HPSE2: variants seen among roughly 807,000 people sequenced by gnomAD.
HPSE2 encodes the protein inactive heparanase-2.
HPSE2 carries 38 observed loss-of-function variants against 60.5 expected under a neutral mutation model. The ratio of observed to expected loss-of-function variants is 0.63; its 90% confidence interval spans 0.48 to 0.82. The LOEUF (loss-of-function observed/expected upper bound fraction) is 0.82, where lower values mean the gene tolerates loss of function less well. HPSE2 is among the 40% of genes least tolerant of loss of function. HPSE2 has a pLI of 0.00. For missense variants in HPSE2, 713 were observed against 740.4 expected (o/e 0.96, Z 0.43); for synonymous variants, 295 against 293.2 (o/e 1.01, Z -0.06).
intron 9 of HPSE2, among the ~76,000 whole-genome samples, chr10:98,565,322 C>T (rs560955935): frequency 6.6e-6 from 1 of 151,812 alleles, no homozygotes; most frequent in East Asian, 1.9e-4. Flanking sequence ...CTCTCACTCC[C>T]CTTGTCCCCC....
At position 98,764,302 on chromosome 10, in the gene HPSE2, A is replaced by T. The variant is rs79337860; in HGVS notation, c.611-20246T>A. Among the ~76,000 whole-genome samples, 560 of 152,304 alleles carry T rather than the reference A, an allele frequency of 3.7e-3. 4 individuals are homozygous for T. The highest frequency in any genetic ancestry group is 0.013 in the African/African-American group (541 of 41,572). On this transcript the variant is annotated intron_variant, in intron 3 of 11. Coordinates refer to ENST00000370552, the MANE Select transcript of HPSE2 (RefSeq NM_021828.5). ...ATGGAACACTAAAAATATTCATTTA[A>T]TCCAAACAATGGGAGAAATGGGGGA... is the stretch of plus-strand genomic sequence containing the variant.
chr10:99,275,797 G>T, the HPSE2 span, among the ~76,000 whole-genome samples: 1 of 152,076 alleles, frequency 6.6e-6, no homozygotes, highest in Non-Finnish European at 1.5e-5. Context: ...ATCATCTCTG[G>T]TACCAGCTCA....
intron 3 of HPSE2, among the ~76,000 whole-genome samples, chr10:98,767,751 T>C (rs1950154758): frequency 6.9e-6 from 1 of 145,574 alleles, no homozygotes; most frequent in South Asian, 2.1e-4. Context: ...AATGTATCAA[T>C]ACTATATAGT....
At chr10:98,551,347 G>A (rs1943860516) in intron 9 of HPSE2, among the ~76,000 whole-genome samples, 1 of 152,158 alleles carries the variant, frequency 6.6e-6, no homozygotes, top group Admixed American at 6.5e-5. Context: ...ATGTGTTTGG[G>A]TTGTTTGTAC....
At chr10:98,532,203 C>T (rs1943151782) in intron 9 of HPSE2, among the ~76,000 whole-genome samples, 1 of 152,146 alleles carries the variant, frequency 6.6e-6, no homozygotes, top group Admixed American at 6.5e-5. Context: ...CTCTCCTGTT[C>T]CTATGTTGGG....
At chr10:99,192,222 A>C (rs1848246567) in intron 2 of HPSE2, among the ~76,000 whole-genome samples, 1 of 152,196 alleles carries the variant, frequency 6.6e-6, no homozygotes, top group Non-Finnish European at 1.5e-5. Flanking sequence ...AAACCTAGAA[A>C]AGAAATCAAT....
chr10:98,656,147 C>T (rs1039401050), intron 6 of HPSE2, among the ~76,000 whole-genome samples: 11 of 150,528 alleles, frequency 7.3e-5, no homozygotes, highest in Admixed American at 2.7e-4. Context: ...AGCGCAATGG[C>T]GCAATCTCAG....
At chr10:99,004,413 T>G (rs1430160991) in intron 3 of HPSE2, among the ~76,000 whole-genome samples, 2 of 152,166 alleles carry the variant, frequency 1.3e-5, no homozygotes, top group Non-Finnish European at 1.5e-5. Flanking sequence ...ACTTCTGATC[T>G]TTGGTGTATC....
intron 3 of HPSE2, among the ~76,000 whole-genome samples, chr10:99,002,356 C>T (rs1956796143): frequency 6.6e-6 from 1 of 151,972 alleles, no homozygotes; most frequent in South Asian, 2.1e-4. Context: ...GACTTCCTTC[C>T]AAAAACTACG....
chr10:98,568,356 C>T (rs890303248), intron 9 of HPSE2, among the ~76,000 whole-genome samples: 1 of 152,162 alleles, frequency 6.6e-6, no homozygotes, highest in African/African-American at 2.4e-5. Flanking sequence ...ATATCTACTT[C>T]ATAGGTCTGT....
chr10:99,186,129 C>CACACACACAT lies in HPSE2; in HGVS notation c.449-41731_449-41730insATGTGTGTGT, dbSNP rs1554912903. Among the ~76,000 whole-genome samples, 263 of 141,690 alleles carry CACACACACAT rather than the reference C, an allele frequency of 1.9e-3. 6 individuals are homozygous for CACACACACAT. Among genetic ancestry groups the CACACACACAT allele is most frequent in the South Asian group, 4.5e-3 (19 of 4,242 alleles). 93.0% of individuals were successfully genotyped at this position (141,690 alleles called of 152,430 possible). A position where few individuals can be genotyped will look rare whatever the true frequency, so the allele number is the denominator to read the frequency against. ...CCACACACACACACACACACACACACACACACACACACACACACACACACA... is the reference window on the plus strand; with the variant it reads ...CCACACACACACACACACACACACACACACACACATACACACACACACACACACACACACA... On this transcript the variant is annotated intron_variant, in intron 2 of 11. Transcript: ENST00000370552.
chr10:98,555,722 GA>G (rs1943988536), intron 9 of HPSE2, among the ~76,000 whole-genome samples: 1 of 152,166 alleles, frequency 6.6e-6, no homozygotes, highest in Non-Finnish European at 1.5e-5. Context: ...CTGTGAAGAG[GA>G]CATTTGGTTG....
intron 11 of HPSE2, among the ~76,000 whole-genome samples, chr10:98,475,769 G>GA (rs887722801): frequency 8.0e-5 from 12 of 150,726 alleles, no homozygotes; most frequent in African/African-American, 1.7e-4. Context: ...ACTTCTTCTG[G>GA]AAAAAAAAAT....
chr10:99,056,658 T>C (rs1002825815), intron 3 of HPSE2, among the ~76,000 whole-genome samples: 2 of 152,132 alleles, frequency 1.3e-5, no homozygotes, highest in African/African-American at 4.8e-5. Context: ...ATAAACTTCA[T>C]CGTAAGAGCT....
intron 5 of HPSE2, among the ~76,000 whole-genome samples, chr10:98,715,309 T>A (rs1948764603): frequency 6.6e-6 from 1 of 152,038 alleles, no homozygotes; most frequent in South Asian, 2.1e-4. Flanking sequence ...TTCAAAATGA[T>A]CTTTTTGTAC....
At chr10:98,827,364 C>A (rs1276053914) in intron 3 of HPSE2, among the ~76,000 whole-genome samples, 1 of 151,934 alleles carries the variant, frequency 6.6e-6, no homozygotes, top group Non-Finnish European at 1.5e-5. Flanking sequence ...CACCACCACG[C>A]CCGGCTAATT....
chr10:99,125,101 T>C (rs1845113451), intron 3 of HPSE2, among the ~76,000 whole-genome samples: 1 of 152,196 alleles, frequency 6.6e-6, no homozygotes, highest in African/African-American at 2.4e-5. Flanking sequence ...TGATTACCCA[T>C]GCCCCCAATC....
chr10:98,482,814 T>C, intron 10 of HPSE2, 32 bp from the exon 11 acceptor site: 1 of 1,613,120 alleles, frequency 6.2e-7, no homozygotes, highest in Non-Finnish European at 8.5e-7. Context: ...AAGTGAAAGA[T>C]GGAAACAAAG....
intron 3 of HPSE2, among the ~76,000 whole-genome samples, chr10:99,098,463 T>A (rs1409965269): frequency 2.0e-5 from 3 of 152,212 alleles, no homozygotes; most frequent in Non-Finnish European, 4.4e-5. Context: ...TCAATTCCAT[T>A]GCTTTTAGCC....
Sources: gnomAD v4.1 joint callset for allele counts (sites outside exome capture counted in the v4.1 genomes callset) on GRCh38, gnomAD v4.1.1 for gene constraint, MANE v1.5 for transcripts, NCBI Gene and HGNC (gene_info 2026-07-23, HGNC 2026-07-21) for gene names.